ZNF462: variants seen among roughly 807,000 people sequenced by gnomAD.
The protein encoded by ZNF462 is zinc finger protein 462, also known as zinc finger PBX1-interacting protein.
In ZNF462, 10 loss-of-function variants were observed where a neutral mutation model predicts 201.9. That is an observed-to-expected ratio of 0.05 (90% confidence interval 0.03 to 0.08). ZNF462 has a LOEUF of 0.08. Ranked by LOEUF, ZNF462 falls within the 10% of genes least tolerant of loss-of-function variation. The pLI is 1.00. For missense variants in ZNF462, 2,523 were observed against 3,168.3 expected, an observed-to-expected ratio of 0.80 and a Z score of 4.89; for synonymous variants, 1,227 against 1,193.3, an observed-to-expected ratio of 1.03 and a Z score of -0.58.
chr9:107,003,777 G>A lies in ZNF462; in HGVS notation c.7189+351G>A, dbSNP rs1249112079. 6.6e-6 allele frequency among the ~76,000 whole-genome samples: 1 copy of A among 152,132 alleles called. No individual in the cohort carries two copies. Among genetic ancestry groups the A allele is most frequent in the African/African-American group, 2.4e-5 (1 of 41,436 alleles). ...TGACACTGTAGAGCTCTAGAGGAAT[G>A]AGAATGAACTTCCAGTTGAATGCAT... On this transcript the variant is annotated intron_variant, in intron 11 of 12. Coordinates refer to ENST00000277225, the MANE Select transcript of ZNF462 (RefSeq NM_021224.6). This position sits in a 1 kb window ranked among gnomAD's most constrained non-coding sequence, Gnocchi z 4.4.
At chr9:106,965,928 T>C (rs1158211057) in intron 7 of ZNF462, among the ~76,000 whole-genome samples, 1 of 152,140 alleles carries the variant, frequency 6.6e-6, no homozygotes, top group Non-Finnish European at 1.5e-5. Flanking sequence ...TTCCTGGCTA[T>C]TAAATAAAGT....
chr9:106,867,373 T>C (rs1366118101), intron 1 of ZNF462, among the ~76,000 whole-genome samples: 1 of 152,238 alleles, frequency 6.6e-6, no homozygotes, highest in Non-Finnish European at 1.5e-5. Context: ...TTTTTTGCCA[T>C]GGCTCTAATA....
chr9:106,933,707 C>A lies in ZNF462; in HGVS notation c.6116+1158C>A, dbSNP rs1160177375. ...CGTCTTTGAAAATATCAGTAAAATA[C>A]TATGATGTGTCAAAGAAGAGAAATG... On this transcript the variant is annotated intron_variant, in intron 5 of 12. Transcript: ENST00000277225. The surrounding 1 kb of genome is among the most constrained non-coding windows in gnomAD (Gnocchi z 4.3). 2.0e-5 allele frequency among the ~76,000 whole-genome samples: 3 copies of A among 152,006 alleles called. No individual in the cohort carries two copies. The highest frequency in any genetic ancestry group is 3.9e-4 in the East Asian group (2 of 5,190).
intron 1 of ZNF462, among the ~76,000 whole-genome samples, chr9:106,894,601 A>C (rs1405817432): frequency 3.3e-5 from 5 of 152,214 alleles, no homozygotes; most frequent in Admixed American, 2.0e-4. Flanking sequence ...GTACCAATGA[A>C]AACTCTTAAA....
chr9:106,973,421 A>G (rs948348978), intron 8 of ZNF462, among the ~76,000 whole-genome samples: 1 of 152,164 alleles, frequency 6.6e-6, no homozygotes, highest in African/African-American at 2.4e-5. Flanking sequence ...TTTTCAGATA[A>G]ATACATTTGT....
intron 1 of ZNF462, among the ~76,000 whole-genome samples, chr9:106,909,175 C>A (rs1829437898): frequency 6.6e-6 from 1 of 151,214 alleles, no homozygotes; most frequent in African/African-American, 2.4e-5. Flanking sequence ...GTTGGCCAGA[C>A]TGGTCTTGAA....
rs561791427 is a variant in ZNF462, at chr9:106,890,149, T to C, written c.-31+26794T>C. On this transcript the variant is annotated intron_variant, in intron 1 of 12. Coordinates refer to ENST00000277225, the MANE Select transcript of ZNF462 (RefSeq NM_021224.6). The surrounding 1 kb of genome is among the most constrained non-coding windows in gnomAD (Gnocchi z 4.2). ...CATTGTATATATTCTGCCTAAAAGT[T>C]TGTAAAATCTAGTGGTGGCATTTAG... Among the ~76,000 whole-genome samples, 1 of 152,222 alleles carries C rather than the reference T, an allele frequency of 6.6e-6. No homozygotes were observed. Among genetic ancestry groups the C allele is most frequent in the Admixed American group, 6.5e-5 (1 of 15,282 alleles).
rs1827823212 is a variant in ZNF462, at chr9:106,876,163, G to C, written c.-31+12808G>C. ...TTTGTCTCTGTCCATTACTAGCTGTGGGACCTTGAGTAAGTCATTTATCCT... is the reference window on the plus strand; with the variant it reads ...TTTGTCTCTGTCCATTACTAGCTGTCGGACCTTGAGTAAGTCATTTATCCT... On this transcript the variant is annotated intron_variant, in intron 1 of 12. Transcript: ENST00000277225. The surrounding 1 kb of genome is among the most constrained non-coding windows in gnomAD (Gnocchi z 4.9). Among the ~76,000 whole-genome samples, 1 of 152,084 alleles carries C rather than the reference G, an allele frequency of 6.6e-6. No homozygotes were observed. The highest frequency in any genetic ancestry group is 2.1e-4 in the South Asian group (1 of 4,828).
intron 10 of ZNF462, among the ~76,000 whole-genome samples, chr9:106,995,991 G>A (rs1269865838): frequency 6.6e-6 from 1 of 152,090 alleles, no homozygotes; most frequent in Non-Finnish European, 1.5e-5. Context: ...ACAGGCCCCA[G>A]TGTGTGATGT....
Position 106,930,613 on chromosome 9 carries a change from C to T in ZNF462, c.5936C>T (p.Thr1979Met), listed in dbSNP as rs775240171. 3 of 1,614,148 alleles carry T rather than the reference C, an allele frequency of 1.9e-6. No homozygotes were observed. The highest frequency in any genetic ancestry group is 1.1e-5 in the South Asian group (1 of 91,082). ...AAATTCTGTGTGGAAGTGCACCCAA[C>T]GCTCCGAGCCATCTGCAATCACCTC... ...KCKFCVEVHP[T>M]LRAICNHLRK... is the part of the protein sequence containing the mutation. Residue 1979 changes from threonine to methionine, a missense_variant, in exon 4 of 13, where the codon ACG becomes ATG. Coordinates refer to ENST00000277225, the MANE Select transcript of ZNF462 (RefSeq NM_021224.6). The surrounding 1 kb of genome is among the most constrained non-coding windows in gnomAD (Gnocchi z 5.8).
chr9:106,930,384 T>G lies in ZNF462; in HGVS notation c.5848-141T>G. 9.0e-7 allele frequency: 1 copy of G among 1,109,598 alleles called. No homozygotes were observed. The highest frequency in any genetic ancestry group is 2.7e-5 in the East Asian group (1 of 37,182). The allele number at this position is 1,109,598 out of a possible 1,614,324, so 68.7% of individuals were successfully genotyped here. The stretch of plus-strand genomic sequence containing the variant: ...CCATGATGCTGACAAATTTGTTATA[T>G]AAAAATACTCGCCTATATCTCCCTT... On this transcript the variant is annotated intron_variant, in intron 3 of 12. Coordinates refer to ENST00000277225, the MANE Select transcript of ZNF462 (RefSeq NM_021224.6). This position sits in a 1 kb window ranked among gnomAD's most constrained non-coding sequence, Gnocchi z 5.8.
At chr9:106,901,573 G>C (rs7025317) in intron 1 of ZNF462, among the ~76,000 whole-genome samples, 24,088 of 152,042 alleles carry the variant, frequency 0.16, 2,063 homozygotes, top group South Asian at 0.27. Context: ...CCTTTTGTTT[G>C]TGTCATCTAT....
chr9:106,919,017 C>T lies in ZNF462; in HGVS notation c.-30-4337C>T, dbSNP rs1443497266. Among the ~76,000 whole-genome samples, 1 of 152,196 alleles carries T rather than the reference C, an allele frequency of 6.6e-6. No homozygotes were observed. Among genetic ancestry groups the T allele is most frequent in the Non-Finnish European group, 1.5e-5 (1 of 68,036 alleles). ...TGTTTCTGGTTCTATTTCTCAAAGG[C>T]TTTGAAGGTTATAATTAGTTGCTAC... On this transcript the variant is annotated intron_variant, in intron 1 of 12. Coordinates refer to ENST00000277225, the MANE Select transcript of ZNF462 (RefSeq NM_021224.6). This position sits in a 1 kb window ranked among gnomAD's most constrained non-coding sequence, Gnocchi z 4.5.
At position 106,880,631 on chromosome 9, in the gene ZNF462, G is replaced by T. The variant is rs1463326288; in HGVS notation, c.-31+17276G>T. ...AGCTGCTAGAATAGAAAGAGTGGTTGTTGGGATATATTTTTATTAATGGTT... is the reference window on the plus strand; with the variant it reads ...AGCTGCTAGAATAGAAAGAGTGGTTTTTGGGATATATTTTTATTAATGGTT... On this transcript the variant is annotated intron_variant, in intron 1 of 12. Coordinates refer to ENST00000277225, the MANE Select transcript of ZNF462 (RefSeq NM_021224.6). The surrounding 1 kb of genome is among the most constrained non-coding windows in gnomAD (Gnocchi z 4.1). Among the ~76,000 whole-genome samples the T allele has an allele frequency of 6.6e-6, 1 of 152,210 alleles. No homozygotes were observed. Among genetic ancestry groups the T allele is most frequent in the South Asian group, 2.1e-4 (1 of 4,830 alleles).
At chr9:106,948,291 A>G (rs1053234211) in intron 7 of ZNF462, among the ~76,000 whole-genome samples, 5 of 152,204 alleles carry the variant, frequency 3.3e-5, no homozygotes, top group African/African-American at 1.2e-4. Context: ...CTTTGGATTT[A>G]TTAAGAAACA....
At position 107,008,549 on chromosome 9, in the gene ZNF462, A is replaced by C. The variant is rs1829721102; in HGVS notation, c.7190-996A>C. Among the ~76,000 whole-genome samples, 1 of 152,194 alleles carries C rather than the reference A, an allele frequency of 6.6e-6. No homozygotes were observed. The highest frequency in any genetic ancestry group is 2.1e-4 in the South Asian group (1 of 4,828). On this transcript the variant is annotated intron_variant, in intron 11 of 12. Coordinates refer to ENST00000277225, the MANE Select transcript of ZNF462 (RefSeq NM_021224.6). The surrounding 1 kb of genome is among the most constrained non-coding windows in gnomAD (Gnocchi z 4.8). The stretch of plus-strand genomic sequence containing the variant: ...TCCCTGTGCGATGCCCTCACTTTGC[A>C]ACACGGCTGCAGAACTGGCAAGGTC...
At position 106,885,937 on chromosome 9, in the gene ZNF462, A is replaced by G. The variant is rs564820689; in HGVS notation, c.-31+22582A>G. 1.3e-5 allele frequency among the ~76,000 whole-genome samples: 2 copies of G among 152,110 alleles called. No individual in the cohort carries two copies. Among genetic ancestry groups the G allele is most frequent in the African/African-American group, 4.8e-5 (2 of 41,486 alleles). Reference sequence around the variant, plus strand: ...CAGAGAGAGTCATGTTCTGATAATTATTTGCTCTTTGGATATTTCCTCATC... The same window carrying G: ...CAGAGAGAGTCATGTTCTGATAATTGTTTGCTCTTTGGATATTTCCTCATC... On this transcript the variant is annotated intron_variant, in intron 1 of 12. Transcript: ENST00000277225. The surrounding 1 kb of genome is among the most constrained non-coding windows in gnomAD (Gnocchi z 4.1).
rs1457632820 is a variant in ZNF462, at chr9:106,967,493, G to A, written c.6428-4512G>A. Among the ~76,000 whole-genome samples the A allele has an allele frequency of 2.0e-5, 3 of 151,526 alleles. No individual in the cohort carries two copies. The East Asian group carries it at 5.8e-4, about 29-fold the overall frequency. ...AAACAACTCAAACTGTTATTCTAGA[G>A]AGCTGGAATTAGCAAAAAAAAAAGT... On this transcript the variant is annotated intron_variant, in intron 7 of 12. Coordinates refer to ENST00000277225, the MANE Select transcript of ZNF462 (RefSeq NM_021224.6).
chr9:106,976,624 A>G (rs1200535822), intron 9 of ZNF462: 3 of 152,214 alleles, frequency 2.0e-5, no homozygotes. Context: ...GATCATTTTC[A>G]GAGTCCTTAT....
Sources: gnomAD v4.1 joint callset for allele counts (sites outside exome capture counted in the v4.1 genomes callset) on GRCh38, gnomAD v4.1.1 for gene constraint, Gnocchi (gnomAD v3.1) non-coding constraint, MANE v1.5 for transcripts, NCBI Gene and HGNC (gene_info 2026-07-23, HGNC 2026-07-21) for gene names.